Variants in TMTC2 observed in about 807,000 individuals in gnomAD.
TMTC2 encodes the protein protein O-mannosyl-transferase TMTC2.
TMTC2 carries 43 observed loss-of-function variants against 82.4 expected under a neutral mutation model. The observed-to-expected ratio is 0.52, with a 90% confidence interval of 0.41 to 0.67. TMTC2 has a LOEUF of 0.67. TMTC2 is among the 30% of genes least tolerant of loss of function. The pLI is 0.00. For synonymous variants in TMTC2, 408 were observed against 381.9 expected, an observed-to-expected ratio of 1.07 and a Z score of -0.80; for missense variants, 919 against 1,012.4, an observed-to-expected ratio of 0.91 and a Z score of 1.25.
chr12:82,999,455 C>G (rs1879817847), intron 8 of TMTC2, among the ~76,000 whole-genome samples: 1 of 152,176 alleles, frequency 6.6e-6, no homozygotes, highest in African/African-American at 2.4e-5. Context: ...TAAAGACACT[C>G]AGTGTATTCC....
chr12:83,088,706 G>T (rs938514993), intron 11 of TMTC2, among the ~76,000 whole-genome samples: 1 of 152,184 alleles, frequency 6.6e-6, no homozygotes, highest in Non-Finnish European at 1.5e-5. Flanking sequence ...AGGAATTCCA[G>T]TAATAACATC....
intron 1 of TMTC2, among the ~76,000 whole-genome samples, chr12:82,819,791 C>T (rs1868979031): frequency 6.6e-6 from 1 of 152,078 alleles, no homozygotes; most frequent in South Asian, 2.1e-4. Flanking sequence ...GTGTTGTGAA[C>T]CACCGTGCCC....
chr12:82,687,551 C>T lies in TMTC2; in HGVS notation c.-36C>T, dbSNP rs1872377056. On this transcript the variant is annotated 5_prime_UTR_variant, in exon 1 of 12. Coordinates refer to ENST00000321196, the MANE Select transcript of TMTC2 (RefSeq NM_152588.3). The stretch of plus-strand genomic sequence containing the variant: ...TTTTTTGTTGCCGCTGCTGCCCTCG[C>T]GCTGGGAGCCGAGCCGGAGGGAAGG... The T allele has an allele frequency of 5.1e-6, 8 of 1,575,082 alleles. No homozygotes were observed. Among genetic ancestry groups the T allele is most frequent in the Non-Finnish European group, 6.9e-6 (8 of 1,159,998 alleles).
chr12:82,843,330 G>A (rs189998105), intron 1 of TMTC2, among the ~76,000 whole-genome samples: 40 of 151,972 alleles, frequency 2.6e-4, no homozygotes, highest in Middle Eastern at 3.4e-3. Flanking sequence ...CAAGTGATCT[G>A]CCTGCCCTGA....
intron 4 of TMTC2, among the ~76,000 whole-genome samples, chr12:82,953,142 G>A (rs1380933964): frequency 6.6e-6 from 1 of 152,170 alleles, no homozygotes; most frequent in Non-Finnish European, 1.5e-5. Flanking sequence ...ACAGCTAGCA[G>A]CAAAGAGGTG....
At chr12:82,914,295 G>A (rs754192109) in intron 3 of TMTC2, among the ~76,000 whole-genome samples, 3 of 150,446 alleles carry the variant, frequency 2.0e-5, no homozygotes, top group Non-Finnish European at 4.4e-5. Flanking sequence ...TATTTTATTT[G>A]CATTTTTTAC....
chr12:83,014,928 T>TGA (rs1408886865), intron 8 of TMTC2, among the ~76,000 whole-genome samples: 1 of 152,188 alleles, frequency 6.6e-6, no homozygotes, highest in African/African-American at 2.4e-5. Context: ...ACAGTCTCAT[T>TGA]GAGAGGTATG....
At chr12:82,761,872 C>T (rs201445659) in intron 1 of TMTC2, among the ~76,000 whole-genome samples, 4 of 10,666 alleles carry the variant, frequency 3.8e-4, no homozygotes, top group East Asian at 9.4e-3. Context: ...TTCTCTTTCT[C>T]TCTTTCTTTC....
chr12:82,910,376 G>T (rs536188791), intron 3 of TMTC2, among the ~76,000 whole-genome samples: 33 of 152,232 alleles, frequency 2.2e-4, no homozygotes, highest in African/African-American at 7.7e-4. Context: ...ATACGGACAG[G>T]CAGGCTCCAA....
chr12:83,077,127 A>C (rs931285281), intron 11 of TMTC2, among the ~76,000 whole-genome samples: 2 of 152,216 alleles, frequency 1.3e-5, no homozygotes, highest in African/African-American at 2.4e-5. Flanking sequence ...ATAGTGAAAG[A>C]GTTCAGAAAA....
Position 82,896,442 on chromosome 12 carries a change from C to G in TMTC2, c.1279C>G (p.Pro427Ala). 1 of 1,614,112 alleles carries G rather than the reference C, an allele frequency of 6.2e-7. No individual in the cohort carries two copies. The highest frequency in any genetic ancestry group is 1.1e-5 in the South Asian group (1 of 91,082). Residue 427 changes from proline to alanine, a missense_variant, in exon 3 of 12, where the codon CCT (proline) becomes GCT (alanine). Transcript: ENST00000321196. Reference sequence around the variant, plus strand: ...AATTGCAGAGCGAGTATTATATATTCCTAGTATGGGCTTCTGCCTACTGAT... The same window carrying G: ...AATTGCAGAGCGAGTATTATATATTGCTAGTATGGGCTTCTGCCTACTGAT... ...FVIAERVLYI[P>A]SMGFCLLITV...
chr12:82,812,993 T>C (rs1302304486), intron 1 of TMTC2, among the ~76,000 whole-genome samples: 2 of 152,088 alleles, frequency 1.3e-5, no homozygotes, highest in Non-Finnish European at 2.9e-5. Flanking sequence ...GTTTTTACCA[T>C]TCAGTGACAA....
At position 82,857,759 on chromosome 12, in the gene TMTC2, CTGAT is replaced by C. The variant is rs779126937; in HGVS notation, c.654+182_654+185del. ...TTTGTACTAAGCAGGGTTTTAGTCA[CTGAT>C]TGTTTTATTTCTCTGGTTTCTTACT... On this transcript the variant is annotated intron_variant, in intron 2 of 11. Transcript: ENST00000321196. Among the ~76,000 whole-genome samples, 4 of 152,254 alleles carry C rather than the reference CTGAT, an allele frequency of 2.6e-5. No individual in the cohort carries two copies. The East Asian group carries it at 7.7e-4, about 29-fold the overall frequency.
chr12:82,780,505 G>A (rs1409309273), intron 1 of TMTC2, among the ~76,000 whole-genome samples: 1 of 151,616 alleles, frequency 6.6e-6, no homozygotes, highest in Admixed American at 6.6e-5. Context: ...GTATCATACC[G>A]ATACCTTGTG....
intron 8 of TMTC2, among the ~76,000 whole-genome samples, chr12:82,993,879 G>A (rs185063530): frequency 1.3e-5 from 2 of 152,212 alleles, no homozygotes; most frequent in African/African-American, 2.4e-5. Context: ...GCAAGACAGC[G>A]GAGGGAAGGC....
At chr12:83,118,914 C>T (rs1884857295) in intron 11 of TMTC2, among the ~76,000 whole-genome samples, 1 of 152,122 alleles carries the variant, frequency 6.6e-6, no homozygotes, top group Admixed American at 6.5e-5. Context: ...ATTTATCCAT[C>T]TCTTCTAGGT....
chr12:83,090,878 G>A (rs1254806156), intron 11 of TMTC2, among the ~76,000 whole-genome samples: 1 of 152,114 alleles, frequency 6.6e-6, no homozygotes, highest in Admixed American at 6.5e-5. Flanking sequence ...GCCATATCAG[G>A]CATAAACGAG....
chr12:82,718,247 T>A (rs17009891), intron 1 of TMTC2, among the ~76,000 whole-genome samples: 15,450 of 152,210 alleles, frequency 0.1, 919 homozygotes, highest in East Asian at 0.24. Context: ...TCTAATCCAA[T>A]TAAAAAGCAA....
intron 1 of TMTC2, among the ~76,000 whole-genome samples, chr12:82,778,157 G>A (rs7979743): frequency 0.13 from 20,244 of 151,946 alleles, 1,516 homozygotes; most frequent in Middle Eastern, 0.2. Context: ...ATTATTTTAT[G>A]TACAATAGTC....
Sources: gnomAD v4.1 joint callset for allele counts (sites outside exome capture counted in the v4.1 genomes callset) on GRCh38, gnomAD v4.1.1 for gene constraint, MANE v1.5 for transcripts, NCBI Gene and HGNC (gene_info 2026-07-23, HGNC 2026-07-21) for gene names.